The following TMEFF2 variants were observed in gnomAD, a reference collection of about 807,000 sequenced individuals.
The protein encoded by TMEFF2 is transmembrane protein with EGF like and two follistatin like domains 2, also known as tomoregulin-2.
A neutral mutation model predicts 53.8 loss-of-function variants in TMEFF2; 28 were observed. The observed-to-expected ratio is 0.52, with a 90% CI of 0.39 to 0.71. The LOEUF is 0.71. Among genes scored for constraint, TMEFF2 ranks in the 30% least tolerant of loss-of-function variants. TMEFF2 has a pLI of 0.00. For missense variants in TMEFF2, 353 were observed against 455.2 expected (o/e 0.78, Z 2.04); for synonymous variants, 162 against 166.3 (o/e 0.97, Z 0.20).
chr2:192,160,284 T>C (rs991665888), intron 4 of TMEFF2, among the ~76,000 whole-genome samples: 3 of 152,166 alleles, frequency 2.0e-5, no homozygotes, highest in East Asian at 1.9e-4. Flanking sequence ...CAACATTTGG[T>C]TTGGCAGAAA....
intron 7 of TMEFF2, among the ~76,000 whole-genome samples, chr2:191,971,064 C>T (rs1323942321): frequency 6.6e-6 from 1 of 152,114 alleles, no homozygotes; most frequent in African/African-American, 2.4e-5. Context: ...TGACTTGCTT[C>T]TGGCACTTCC....
intron 5 of TMEFF2, among the ~76,000 whole-genome samples, chr2:192,013,211 G>A (rs1332176874): frequency 6.6e-6 from 1 of 152,088 alleles, no homozygotes; most frequent in African/African-American, 2.4e-5. Context: ...GACTACCTAT[G>A]CCATTTTATT....
At chr2:191,990,907 A>T (rs1376859881) in intron 7 of TMEFF2, among the ~76,000 whole-genome samples, 1 of 152,048 alleles carries the variant, frequency 6.6e-6, no homozygotes, top group African/African-American at 2.4e-5. Flanking sequence ...TAGGTCCTCT[A>T]AACATATGGA....
chr2:191,990,291 T>C (rs1291942884), intron 7 of TMEFF2, among the ~76,000 whole-genome samples: 4 of 152,172 alleles, frequency 2.6e-5, no homozygotes, highest in African/African-American at 9.6e-5. Flanking sequence ...TTGATAATGT[T>C]TATATATAGT....
chr2:192,130,614 T>G (rs1375004948), intron 4 of TMEFF2, among the ~76,000 whole-genome samples: 1 of 152,140 alleles, frequency 6.6e-6, no homozygotes, highest in Non-Finnish European at 1.5e-5. Flanking sequence ...GAGCACCTTG[T>G]GACCCCCGCC....
chr2:192,055,626 T>C (rs1255107871), intron 5 of TMEFF2, among the ~76,000 whole-genome samples: 2 of 151,608 alleles, frequency 1.3e-5, no homozygotes, highest in African/African-American at 4.8e-5. Context: ...AATACAAAAA[T>C]TAGCCGGGCA....
intron 5 of TMEFF2, among the ~76,000 whole-genome samples, chr2:192,016,368 G>A (rs1686744901): frequency 6.6e-6 from 1 of 152,058 alleles, no homozygotes; most frequent in Non-Finnish European, 1.5e-5. Flanking sequence ...TAATCTTTTT[G>A]GACACTACAG....
chr2:192,181,418 T>C (rs897012561), intron 3 of TMEFF2, among the ~76,000 whole-genome samples: 10 of 151,702 alleles, frequency 6.6e-5, no homozygotes, highest in African/African-American at 2.4e-4. Flanking sequence ...GGAAAATGTG[T>C]TGTTCATCAC....
In TMEFF2 at chr2:192,070,728, A is replaced by G. The variant is rs116256834; in HGVS notation, c.440-12953T>C. On this transcript the variant is annotated intron_variant, in intron 4 of 9. Coordinates refer to ENST00000272771, the MANE Select transcript of TMEFF2 (RefSeq NM_016192.4). ...AGAAATTTCAGAATCTGAGATCTTT[A>G]AATCATAGAAGTTCTAGGTAATAAC... Among the ~76,000 whole-genome samples, 507 of 152,066 alleles carry G rather than the reference A, an allele frequency of 3.3e-3. 4 individuals are homozygous for G. The highest frequency in any genetic ancestry group is 0.012 in the African/African-American group (480 of 41,542).
chr2:192,046,633 C>T (rs1328442264), intron 5 of TMEFF2, among the ~76,000 whole-genome samples: 2 of 152,170 alleles, frequency 1.3e-5, no homozygotes, highest in East Asian at 1.9e-4. Context: ...TCTGAATAAC[C>T]CTGATTAATA....
At chr2:192,020,023 G>A (rs1326670790) in intron 5 of TMEFF2, among the ~76,000 whole-genome samples, 1 of 151,966 alleles carries the variant, frequency 6.6e-6, no homozygotes, top group Non-Finnish European at 1.5e-5. Flanking sequence ...CCATTCTGTT[G>A]GGAGCACAAC....
rs774836724 is a variant in TMEFF2 at position 192,090,651 on chromosome 2, A to G, written c.440-32876T>C. Among the ~76,000 whole-genome samples, 152 of 152,216 alleles carry G rather than the reference A, an allele frequency of 1.0e-3. 1 individual carries two copies. The highest frequency in any genetic ancestry group is 2.0e-3 in the Non-Finnish European group (133 of 67,996). ...GATGTAGGAGCACCAGGAATAGCTT[A>G]TATAATATGTCAAATTTGCCCATTG... On this transcript the variant is annotated intron_variant, in intron 4 of 9. Coordinates refer to ENST00000272771, the MANE Select transcript of TMEFF2 (RefSeq NM_016192.4).
chr2:192,022,230 G>C (rs1686874049), intron 5 of TMEFF2, among the ~76,000 whole-genome samples: 6 of 152,146 alleles, frequency 3.9e-5, no homozygotes. Flanking sequence ...GCCTCTCTGA[G>C]TCCAAACCCA....
intron 7 of TMEFF2, among the ~76,000 whole-genome samples, chr2:191,971,294 TTAACCAC>T (rs1175703041): frequency 2.0e-5 from 3 of 152,218 alleles, no homozygotes; most frequent in South Asian, 2.1e-4. Context: ...AAGTACATGG[TTAACCAC>T]TCAAGAAATC....
At position 191,964,394 on chromosome 2, in the gene TMEFF2, CTTTCTCTTTCTT is replaced by C. The variant is rs1446790455; in HGVS notation, c.746-8028_746-8017del. 6.2e-3 allele frequency among the ~76,000 whole-genome samples: 385 copies of C among 62,124 alleles called. 9 individuals are homozygous for C. Among genetic ancestry groups the C allele is most frequent in the Admixed American group, 0.01 (55 of 5,460 alleles). 40.8% of individuals were successfully genotyped at this position (62,124 alleles called of 152,430 possible). A position where few individuals can be genotyped will look rare whatever the true frequency, so the allele number is the denominator to read the frequency against. Reference sequence around the variant, plus strand: ...TTTCTCTTTCTTTCTTTCTTTCTTTCTTTCTCTTTCTTTCTTTCTTTCTTTCTTTCTTTCTTT... The same window carrying C: ...TTTCTCTTTCTTTCTTTCTTTCTTTCTCTTTCTTTCTTTCTTTCTTTCTTT... On this transcript the variant is annotated intron_variant, in intron 7 of 9. Transcript: ENST00000272771.
intron 7 of TMEFF2, among the ~76,000 whole-genome samples, chr2:191,987,384 A>G (rs1342675351): frequency 6.8e-6 from 1 of 147,482 alleles, no homozygotes; most frequent in African/African-American, 2.5e-5. Flanking sequence ...AGTTGGAAAG[A>G]CAACATCATA....
intron 4 of TMEFF2, among the ~76,000 whole-genome samples, chr2:192,127,017 G>T (rs2105972420): frequency 6.6e-6 from 1 of 152,198 alleles, no homozygotes; most frequent in Admixed American, 6.5e-5. Context: ...GCCAATATAA[G>T]AACAGTAAAG....
intron 4 of TMEFF2, among the ~76,000 whole-genome samples, chr2:192,091,989 G>A (rs187629555): frequency 5.3e-5 from 8 of 152,086 alleles, no homozygotes; most frequent in South Asian, 2.1e-4. Flanking sequence ...AACATACAGC[G>A]GCTTGCTTTC....
At chr2:192,046,468 ATGTGC>A (rs1329216033) in intron 5 of TMEFF2, among the ~76,000 whole-genome samples, 1 of 152,142 alleles carries the variant, frequency 6.6e-6, no homozygotes, top group Non-Finnish European at 1.5e-5. Flanking sequence ...AGAAGGCTGT[ATGTGC>A]TCTGAATCAG....
Sources: gnomAD v4.1 joint callset for allele counts (sites outside exome capture counted in the v4.1 genomes callset) on GRCh38, gnomAD v4.1.1 for gene constraint, MANE v1.5 for transcripts, NCBI Gene and HGNC (gene_info 2026-07-23, HGNC 2026-07-21) for gene names.